The following CDH12 variants were observed in gnomAD, a reference collection of about 807,000 sequenced individuals.
CDH12 encodes cadherin-12.
CDH12 carries 41 observed loss-of-function variants against 74.1 expected under a neutral mutation model. The ratio of observed to expected loss-of-function variants is 0.55; its 90% CI spans 0.43 to 0.72. CDH12 has a LOEUF of 0.72. CDH12 is among the 30% of genes least tolerant of loss of function. The pLI is 0.00. For synonymous variants in CDH12, 399 were observed against 355.0 expected (o/e 1.12, Z -1.39); for missense variants, 945 against 977.2 (o/e 0.97, Z 0.44).
intron 5 of CDH12, among the ~76,000 whole-genome samples, chr5:21,998,328 G>A (rs190960734): frequency 2.4e-3 from 358 of 152,180 alleles, no homozygotes; most frequent in African/African-American, 8.3e-3. Context: ...TGAGAAAAGT[G>A]TAAGCTTTCA....
intron 3 of CDH12, among the ~76,000 whole-genome samples, chr5:22,329,832 A>G (rs1395190191): frequency 2.0e-5 from 3 of 152,194 alleles, no homozygotes; most frequent in African/African-American, 7.2e-5. Flanking sequence ...GGATTCATCC[A>G]TTTTATCAGT....
chr5:22,240,299 C>T (rs1320454409), intron 3 of CDH12, among the ~76,000 whole-genome samples: 1 of 152,090 alleles, frequency 6.6e-6, no homozygotes, highest in Admixed American at 6.6e-5. Context: ...TTTCATATCA[C>T]AAAGTGAACA....
At chr5:21,982,033 T>C (rs1453416784) in intron 5 of CDH12, among the ~76,000 whole-genome samples, 3 of 152,158 alleles carry the variant, frequency 2.0e-5, no homozygotes, top group African/African-American at 7.2e-5. Context: ...GACTGAGCCA[T>C]AAATTGCCCA....
intron 3 of CDH12, among the ~76,000 whole-genome samples, chr5:22,402,031 C>A (rs539125390): frequency 6.6e-6 from 1 of 152,200 alleles, no homozygotes. Flanking sequence ...AACTTTGAGA[C>A]AATACATTTT....
intron 1 of CDH12, among the ~76,000 whole-genome samples, chr5:22,751,576 T>C (rs1745579274): frequency 6.6e-6 from 1 of 152,038 alleles, no homozygotes; most frequent in South Asian, 2.1e-4. Context: ...ATTCTTAAAA[T>C]AGACAACAGT....
At chr5:22,066,586 A>G (rs952407335) in intron 5 of CDH12, among the ~76,000 whole-genome samples, 7 of 152,114 alleles carry the variant, frequency 4.6e-5, no homozygotes, top group Non-Finnish European at 1.0e-4. Context: ...TCTAGAATGT[A>G]ATTTGTATAC....
At chr5:22,513,097 T>C (rs1005089435) in intron 1 of CDH12, among the ~76,000 whole-genome samples, 2 of 152,084 alleles carry the variant, frequency 1.3e-5, no homozygotes. Flanking sequence ...AAAAACACCA[T>C]GTTATAAAAG....
chr5:21,982,480 G>T (rs1187377264), intron 5 of CDH12, among the ~76,000 whole-genome samples: 5 of 151,064 alleles, frequency 3.3e-5, no homozygotes, highest in Admixed American at 3.3e-4. Flanking sequence ...TACCTATATA[G>T]AGAGATATAT....
At chr5:21,874,337 C>T (rs1284690309) in intron 6 of CDH12, among the ~76,000 whole-genome samples, 3 of 152,100 alleles carry the variant, frequency 2.0e-5, no homozygotes, top group Non-Finnish European at 4.4e-5. Flanking sequence ...GCTGGATTTC[C>T]TAGGCTGACT....
intron 1 of CDH12, among the ~76,000 whole-genome samples, chr5:22,669,227 CAACCCAGG>C (rs916645296): frequency 6.6e-6 from 1 of 152,120 alleles, no homozygotes; most frequent in African/African-American, 2.4e-5. Flanking sequence ...TATGAAACTT[CAACCCAGG>C]AACTGTTGCT....
intron 4 of CDH12, among the ~76,000 whole-genome samples, chr5:22,116,567 T>C (rs556011049): frequency 6.6e-6 from 1 of 150,910 alleles, no homozygotes; most frequent in East Asian, 2.0e-4. Flanking sequence ...ATCGTGCCAA[T>C]GCACTCCAGC....
chr5:22,281,309 C>T (rs1580477156), intron 3 of CDH12, among the ~76,000 whole-genome samples: 1 of 151,960 alleles, frequency 6.6e-6, no homozygotes, highest in Admixed American at 6.6e-5. Flanking sequence ...CTTTGAAAAC[C>T]GGCACAGGAA....
At chr5:22,050,180 T>C (rs372164412) in intron 5 of CDH12, among the ~76,000 whole-genome samples, 3 of 148,000 alleles carry the variant, frequency 2.0e-5, no homozygotes, top group South Asian at 2.1e-4. Flanking sequence ...GTATCTCTAC[T>C]TTTTTTTCTT....
intron 3 of CDH12, among the ~76,000 whole-genome samples, chr5:22,309,064 T>C (rs1031263924): frequency 6.6e-6 from 1 of 151,796 alleles, no homozygotes; most frequent in Non-Finnish European, 1.5e-5. Flanking sequence ...CATACAAAAA[T>C]GGGAGAGTTT....
At chr5:22,473,270 C>T (rs530834348) in intron 2 of CDH12, among the ~76,000 whole-genome samples, 2 of 152,226 alleles carry the variant, frequency 1.3e-5, no homozygotes, top group African/African-American at 4.8e-5. Flanking sequence ...TGCTGCATCA[C>T]TCTTTATATA....
chr5:22,487,293 T>A (rs1746648239), intron 2 of CDH12, among the ~76,000 whole-genome samples: 1 of 152,192 alleles, frequency 6.6e-6, no homozygotes, highest in Admixed American at 6.5e-5. Context: ...TGAGCCACTG[T>A]ACCTGGCCAA....
At chr5:22,052,180 G>C (rs530722750) in intron 5 of CDH12, among the ~76,000 whole-genome samples, 1 of 152,042 alleles carries the variant, frequency 6.6e-6, no homozygotes, top group East Asian at 1.9e-4. Flanking sequence ...TAAAAACAAC[G>C]CTGTCTATTA....
At chr5:22,542,844 T>G (rs2126721491) in intron 1 of CDH12, among the ~76,000 whole-genome samples, 1 of 152,262 alleles carries the variant, frequency 6.6e-6, no homozygotes, top group African/African-American at 2.4e-5. Context: ...TGGCTTTAAT[T>G]TTATGTTCAC....
chr5:22,019,699 T>C (rs1737841375), intron 5 of CDH12, among the ~76,000 whole-genome samples: 1 of 152,184 alleles, frequency 6.6e-6, no homozygotes, highest in African/African-American at 2.4e-5. Context: ...TAAATTTCTG[T>C]TGTTCAAGCC....
Sources: gnomAD v4.1 joint callset for allele counts (sites outside exome capture counted in the v4.1 genomes callset) on GRCh38, gnomAD v4.1.1 for gene constraint, MANE v1.5 for transcripts, NCBI Gene and HGNC (gene_info 2026-07-23, HGNC 2026-07-21) for gene names.